The following TMEM120B variants were observed in gnomAD, a reference collection of about 807,000 sequenced individuals.
TMEM120B encodes transmembrane protein 120B.
TMEM120B carries 31 observed loss-of-function variants against 55.5 expected under a neutral mutation model. That is an observed-to-expected ratio of 0.56 (90% CI 0.42 to 0.75). TMEM120B has a LOEUF of 0.75. TMEM120B is among the 30% of genes least tolerant of loss of function. TMEM120B has a pLI of 0.00. For missense variants in TMEM120B, 399 were observed against 425.5 expected, an observed-to-expected ratio of 0.94 and a Z score of 0.55; for synonymous variants, 203 against 176.3, an observed-to-expected ratio of 1.15 and a Z score of -1.20.
chr12:121,718,837 G>A (rs193252284), intron 1 of TMEM120B, among the ~76,000 whole-genome samples: 17 of 152,262 alleles, frequency 1.1e-4, no homozygotes, highest in African/African-American at 3.9e-4. Flanking sequence ...AGTGGCAAAT[G>A]GCTTCAGGCA....
intron 1 of TMEM120B, among the ~76,000 whole-genome samples, chr12:121,734,053 C>T (rs1225467446): frequency 6.6e-6 from 1 of 152,090 alleles, no homozygotes; most frequent in South Asian, 2.1e-4. Context: ...CAGAGGGCGG[C>T]GTGGCCCAGG....
rs1874470582 is a variant in TMEM120B, at chr12:121,781,852, C to G, written c.*6130C>G. ...TGCTGGGAACAGCACCGAGCGCCCT[C>G]CCCACCCAGATTCACAGAGCACACT... On this transcript the variant is annotated 3_prime_UTR_variant, in exon 12 of 12. Coordinates refer to ENST00000449592, the MANE Select transcript of TMEM120B (RefSeq NM_001080825.2). 1 of 152,250 alleles carries G rather than the reference C, an allele frequency of 6.6e-6. No individual in the cohort carries two copies. The highest frequency in any genetic ancestry group is 2.4e-5 in the African/African-American group (1 of 41,442). The allele number at this position is 152,250 out of a possible 1,614,324, so 9.4% of individuals were successfully genotyped here. A position where few individuals can be genotyped will look rare whatever the true frequency, so the allele number is the denominator to read the frequency against.
intron 6 of TMEM120B, 112 bp downstream of exon 6, chr12:121,761,850 G>C (rs992369789): frequency 2.7e-5 from 22 of 808,468 alleles, no homozygotes; most frequent in African/African-American, 2.6e-4. Context: ...CCTCCTTGGG[G>C]GTTGCTCTGT....
rs1343598740 is a variant in TMEM120B at position 121,776,560 on chromosome 12, C to G, written c.*838C>G. 6.6e-6 allele frequency: 1 copy of G among 152,216 alleles called. No homozygotes were observed. Among genetic ancestry groups the G allele is most frequent in the Non-Finnish European group, 1.5e-5 (1 of 68,048 alleles). 9.4% of individuals were successfully genotyped at this position (152,216 alleles called of 1,614,324 possible). On this transcript the variant is annotated 3_prime_UTR_variant, in exon 12 of 12. Transcript: ENST00000449592. ...GAGGTGGGGGTGCCTGGCAGGCTCA[C>G]CCCCAGGGGCCGCACCCTGAGGCGG...
At chr12:121,754,382 C>T (rs1031175403) in intron 5 of TMEM120B, among the ~76,000 whole-genome samples, 2 of 152,230 alleles carry the variant, frequency 1.3e-5, no homozygotes, top group Non-Finnish European at 2.9e-5. Context: ...CTCTTTTTCT[C>T]CTACCTGCTT....
chr12:121,759,006 T>G, intron 5 of TMEM120B: 2 of 985,454 alleles, frequency 2.0e-6, no homozygotes, highest in Non-Finnish European at 2.4e-6. Flanking sequence ...ACAGACAATA[T>G]GGCCCACTGG....
At chr12:121,755,328 T>C (rs978445994) in intron 5 of TMEM120B, among the ~76,000 whole-genome samples, 12 of 152,190 alleles carry the variant, frequency 7.9e-5, no homozygotes, top group Admixed American at 5.9e-4. Context: ...TCTGTCTGTC[T>C]CCTCACCTTT....
In TMEM120B at chr12:121,774,957, T is replaced by C; in HGVS notation, c.838-105T>C. ...TGGGGGTGTCTGTCAGTGTTGTGGGTAGTTGATACCCAAAGTTGGGTGAGG... is the reference window on the plus strand; with the variant it reads ...TGGGGGTGTCTGTCAGTGTTGTGGGCAGTTGATACCCAAAGTTGGGTGAGG... On this transcript the variant is annotated intron_variant, in intron 10 of 11. Coordinates refer to ENST00000449592, the MANE Select transcript of TMEM120B (RefSeq NM_001080825.2). The C allele has an allele frequency of 2.4e-6, 3 of 1,244,006 alleles. No individual in the cohort carries two copies. In the Admixed American group the frequency reaches 5.7e-5, roughly 24 times the overall value. 77.1% of individuals were successfully genotyped at this position (1,244,006 alleles called of 1,614,324 possible).
intron 2 of TMEM120B, among the ~76,000 whole-genome samples, chr12:121,744,191 T>G (rs1873016956): frequency 6.6e-6 from 1 of 152,248 alleles, no homozygotes; most frequent in South Asian, 2.1e-4. Flanking sequence ...CCTGAGTAGC[T>G]GTGATTACAG....
intron 1 of TMEM120B, among the ~76,000 whole-genome samples, chr12:121,740,041 A>C (rs2137107357): frequency 6.6e-6 from 1 of 152,138 alleles, no homozygotes; most frequent in South Asian, 2.1e-4. Context: ...GGCCTCCCAA[A>C]GTGTTGGGAT....
intron 6 of TMEM120B, among the ~76,000 whole-genome samples, chr12:121,765,572 C>A (rs1390388115): frequency 1.3e-5 from 2 of 152,152 alleles, no homozygotes; most frequent in Non-Finnish European, 2.9e-5. Flanking sequence ...TGGAATGGGG[C>A]CTCTGGGCCC....
chr12:121,738,516 C>T (rs1409952449), intron 1 of TMEM120B, among the ~76,000 whole-genome samples: 1 of 152,178 alleles, frequency 6.6e-6, no homozygotes, highest in Admixed American at 6.6e-5. Context: ...GTTGCATCAT[C>T]TGGGCAGGAT....
In TMEM120B at chr12:121,778,124, T is replaced by C. The variant is rs181045560; in HGVS notation, c.*2402T>C. 1 of 152,258 alleles carries C rather than the reference T, an allele frequency of 6.6e-6. No homozygotes were observed. Among genetic ancestry groups the C allele is most frequent in the East Asian group, 1.9e-4 (1 of 5,156 alleles). The allele number at this position is 152,258 out of a possible 1,614,324, so 9.4% of individuals were successfully genotyped here. A position where few individuals can be genotyped will look rare whatever the true frequency, so the allele number is the denominator to read the frequency against. On this transcript the variant is annotated 3_prime_UTR_variant, in exon 12 of 12. Coordinates refer to ENST00000449592, the MANE Select transcript of TMEM120B (RefSeq NM_001080825.2). ...CTCCAGAGCCAAGCAGCTTGCGACT[T>C]CTGGTAGGCACCGGAATCCCCTGGG...
intron 2 of TMEM120B, among the ~76,000 whole-genome samples, chr12:121,744,494 G>A (rs865782022): frequency 6.6e-6 from 1 of 152,292 alleles, no homozygotes; most frequent in Middle Eastern, 3.4e-3. Context: ...TTGTGGGTGT[G>A]GGGTGCCCTC....
At chr12:121,733,496 G>A (rs1316763948) in intron 1 of TMEM120B, among the ~76,000 whole-genome samples, 2 of 150,324 alleles carry the variant, frequency 1.3e-5, no homozygotes, top group African/African-American at 4.9e-5. Flanking sequence ...CGCCCGCCTC[G>A]GCCTCCCAAA....
intron 6 of TMEM120B, among the ~76,000 whole-genome samples, chr12:121,767,071 C>T (rs1255944848): frequency 6.6e-6 from 1 of 152,188 alleles, no homozygotes; most frequent in Admixed American, 6.5e-5. Context: ...GATATTGGGA[C>T]ATGCTGTCCC....
At chr12:121,737,271 G>A (rs117094526) in intron 1 of TMEM120B, among the ~76,000 whole-genome samples, 2,260 of 152,002 alleles carry the variant, frequency 0.015, 35 homozygotes, top group Non-Finnish European at 0.021. Flanking sequence ...TTGGGAGGCC[G>A]AGGTGGGCGG....
intron 1 of TMEM120B, among the ~76,000 whole-genome samples, chr12:121,726,697 G>A (rs1592925681): frequency 6.6e-6 from 1 of 151,816 alleles, no homozygotes; most frequent in East Asian, 1.9e-4. Context: ...CTGAGGTCAG[G>A]AGTTTGAGAC....
At chr12:121,774,991 C>T in intron 10 of TMEM120B, 71 bp from the exon 11 acceptor site, 1 of 1,551,474 alleles carries the variant, frequency 6.4e-7, no homozygotes, top group Non-Finnish European at 8.9e-7. Flanking sequence ...GGGGCCTGGC[C>T]ATCACCCTGG....
Sources: allele counts gnomAD v4.1 joint callset (sites outside exome capture counted in the v4.1 genomes callset), GRCh38; gene constraint gnomAD v4.1.1; transcripts MANE v1.5; gene names NCBI Gene and HGNC (gene_info 2026-07-23, HGNC 2026-07-21).